DNAH5: variants seen among roughly 807,000 people sequenced by gnomAD.
DNAH5 encodes the protein dynein axonemal heavy chain 5.
Under a neutral mutation model 518.2 loss-of-function variants are expected in DNAH5, and 372 were observed. That is an observed-to-expected ratio of 0.72 (90% CI 0.66 to 0.78). The LOEUF (loss-of-function observed/expected upper bound fraction) is 0.78, where lower values mean the gene tolerates loss of function less well. Ranked by LOEUF, DNAH5 falls within the 30% of genes least tolerant of loss-of-function variation. The pLI is 0.00. For missense variants in DNAH5, 5,523 were observed against 5,687.0 expected (o/e 0.97, Z 0.93); for synonymous variants, 2,039 against 2,025.9 (o/e 1.01, Z -0.17).
chr5:13,944,527 A>C lies in DNAH5; in HGVS notation c.-89T>G. On this transcript the variant is annotated 5_prime_UTR_variant, in exon 1 of 79. Transcript: ENST00000265104. ...CCTGCTCAACATCCAACAGGCTTCC[A>C]AATGGAAAGTTTTACTTCCATTTTA... is the stretch of plus-strand genomic sequence containing the variant. The C allele has an allele frequency of 8.8e-7, 1 of 1,137,008 alleles. No homozygotes were observed. Among genetic ancestry groups the C allele is most frequent in the East Asian group, 2.4e-5 (1 of 41,788 alleles). The allele number at this position is 1,137,008 out of a possible 1,614,324, so 70.4% of individuals were successfully genotyped here. A position where few individuals can be genotyped will look rare whatever the true frequency, so the allele number is the denominator to read the frequency against.
At chr5:13,791,315 T>A (rs1217509604) in intron 50 of DNAH5, among the ~76,000 whole-genome samples, 1 of 152,214 alleles carries the variant, frequency 6.6e-6, no homozygotes, top group Non-Finnish European at 1.5e-5. Flanking sequence ...AACCCTGTCT[T>A]AGCCTGGGCA....
Position 13,865,820 on chromosome 5 carries a change from C to T in DNAH5, c.4203G>A (p.Gln1401=). ...TTAGTTGCTTCTTTATTTCAAGAAG[C>T]TGAGGATACTGTGTAGCTGGCAGGC... ...LFGLPATQYP[Q]LLEIKKQLNL... Residue 1401 remains glutamine (Q), a synonymous_variant, in exon 27 of 79, where the codon CAG becomes CAA. Transcript: ENST00000265104. The T allele has an allele frequency of 6.2e-7, 1 of 1,613,796 alleles. No individual in the cohort carries two copies. The highest frequency in any genetic ancestry group is 8.5e-7 in the Non-Finnish European group (1 of 1,179,764).
At chr5:13,781,067 G>T in intron 52 of DNAH5, 108 bp from the exon 53 acceptor site, 1 of 1,281,452 alleles carries the variant, frequency 7.8e-7, no homozygotes, top group Non-Finnish European at 1.1e-6. Flanking sequence ...GGAAGATATA[G>T]GTGTCTCAAG....
chr5:13,862,549 T>C lies in DNAH5; in HGVS notation c.4795A>G (p.Arg1599Gly). 2 of 1,613,940 alleles carry C rather than the reference T, an allele frequency of 1.2e-6. No individual in the cohort carries two copies. The highest frequency in any genetic ancestry group is 1.7e-6 in the Non-Finnish European group (2 of 1,179,862). Residue 1599 changes from arginine to glycine, a missense_variant and splice_region_variant, in exon 29 of 79, where the codon AGG becomes GGG. Physicochemically the swap from Arg to Gly is moderately radical, Grantham distance 125. This residue lies in a region of DNAH5 where 5,121 missense variants were observed against 5,223.3 expected (regional missense o/e 0.98). Coordinates refer to ENST00000265104, the MANE Select transcript of DNAH5 (RefSeq NM_001369.3). ...GGAAAAGATAGATGGTTTTCCCACC[T>C]GTTGCTCAGTAGGGATCCCAGCAAC... Reference protein sequence around the residue: ...LMLLGSLLSNRYNMPFKAQIQ... With the variant: ...LMLLGSLLSNGYNMPFKAQIQ...
intron 1 of DNAH5, among the ~76,000 whole-genome samples, chr5:13,993,480 C>G (rs539768794): frequency 6.6e-6 from 1 of 152,298 alleles, no homozygotes; most frequent in East Asian, 1.9e-4. Context: ...TATTCTACCC[C>G]ACTGTACTAT....
chr5:13,835,271 T>G (rs973652951), intron 35 of DNAH5, among the ~76,000 whole-genome samples: 1 of 136,728 alleles, frequency 7.3e-6, no homozygotes, highest in African/African-American at 2.9e-5. Context: ...AGAGTGAGAC[T>G]TCTTCTCAAA....
At chr5:13,738,687 T>G (rs1381046306) in intron 65 of DNAH5, among the ~76,000 whole-genome samples, 1 of 152,022 alleles carries the variant, frequency 6.6e-6, no homozygotes, top group African/African-American at 2.4e-5. Context: ...GAGAAATACG[T>G]GTGACACCAA....
rs138695444 is a variant in DNAH5, at chr5:13,916,075, G to T, written c.1197+273C>A. ...ATACATGATGTGCTAAACCACATAG[G>T]AAAGAAATTCCAAGAGCAATCTTTT... is the stretch of plus-strand genomic sequence containing the variant. On this transcript the variant is annotated intron_variant, in intron 9 of 78. Transcript: ENST00000265104. 1.6e-3 allele frequency among the ~76,000 whole-genome samples: 239 copies of T among 151,776 alleles called. 3 individuals carry two copies. The highest frequency in any genetic ancestry group is 5.5e-3 in the African/African-American group (227 of 41,464).
intron 25 of DNAH5, among the ~76,000 whole-genome samples, chr5:13,867,084 G>T (rs1322587021): frequency 6.6e-6 from 1 of 152,184 alleles, no homozygotes; most frequent in Non-Finnish European, 1.5e-5. Context: ...AATTATAACT[G>T]CATGCGAATA....
At chr5:13,731,138 A>T (rs940697098) in intron 68 of DNAH5, among the ~76,000 whole-genome samples, 2 of 152,234 alleles carry the variant, frequency 1.3e-5, no homozygotes, top group Non-Finnish European at 2.9e-5. Flanking sequence ...TCCAGGCACC[A>T]TGTACACTAC....
chr5:13,979,516 A>G (rs1168800142), intron 1 of DNAH5, among the ~76,000 whole-genome samples: 1 of 152,176 alleles, frequency 6.6e-6, no homozygotes, highest in African/African-American at 2.4e-5. Flanking sequence ...TGTGAAATCA[A>G]TGAACCCCTC....
intron 22 of DNAH5, among the ~76,000 whole-genome samples, chr5:13,873,121 G>GATAA: frequency 6.6e-6 from 1 of 151,998 alleles, no homozygotes; most frequent in Non-Finnish European, 1.5e-5. Context: ...AATAAAAATA[G>GATAA]ATAAATAAAT....
chr5:13,785,408 A>G (rs531765687), intron 52 of DNAH5, among the ~76,000 whole-genome samples: 1 of 152,308 alleles, frequency 6.6e-6, no homozygotes, highest in South Asian at 2.1e-4. Context: ...ACAAACTAGA[A>G]TAGAAATTAT....
At chr5:13,955,496 T>C (rs1356497848) in intron 1 of DNAH5, among the ~76,000 whole-genome samples, 3 of 152,096 alleles carry the variant, frequency 2.0e-5, no homozygotes, top group East Asian at 1.9e-4. Context: ...TACATAATAA[T>C]AACAAATGTA....
At chr5:13,857,477 A>T (rs1282595932) in intron 30 of DNAH5, among the ~76,000 whole-genome samples, 1 of 152,228 alleles carries the variant, frequency 6.6e-6, no homozygotes, top group Non-Finnish European at 1.5e-5. Context: ...CCATCAAGCT[A>T]CCATTGACTT....
In DNAH5 at chr5:13,864,383, A is replaced by G; in HGVS notation, c.4596+14T>C. 6.2e-7 allele frequency: 1 copy of G among 1,613,490 alleles called. No homozygotes were observed. Among genetic ancestry groups the G allele is most frequent in the Non-Finnish European group, 8.5e-7 (1 of 1,179,962 alleles). Reference sequence around the variant, plus strand: ...CCATGAGACCTTGCAATCTTCCATCACATCATACTCTACCTCTATTTCCTC... The same window carrying G: ...CCATGAGACCTTGCAATCTTCCATCGCATCATACTCTACCTCTATTTCCTC... On this transcript the variant is annotated intron_variant, in intron 28 of 78. Coordinates refer to ENST00000265104, the MANE Select transcript of DNAH5 (RefSeq NM_001369.3).
At chr5:13,934,517 T>G (rs1394214138) in intron 1 of DNAH5, among the ~76,000 whole-genome samples, 1 of 152,224 alleles carries the variant, frequency 6.6e-6, no homozygotes, top group Non-Finnish European at 1.5e-5. Flanking sequence ...AAAGGATGAT[T>G]GGGAAAAGAG....
rs1486218081 is a variant in DNAH5, at chr5:13,700,613, C to T, written c.13723+27G>A. 3.8e-6 allele frequency: 6 copies of T among 1,587,038 alleles called. No homozygotes were observed. The South Asian group carries it at 6.6e-5, about 18-fold the overall frequency. ...TGTCATCCAAACGAACAATGCGAGC[C>T]CTTACTGAAGGTACAAGACAACTTA... On this transcript the variant is annotated intron_variant, in intron 78 of 78. Coordinates refer to ENST00000265104, the MANE Select transcript of DNAH5 (RefSeq NM_001369.3).
intron 5 of DNAH5, among the ~76,000 whole-genome samples, chr5:13,921,041 C>G (rs1010667301): frequency 7.9e-5 from 12 of 152,088 alleles, no homozygotes; most frequent in African/African-American, 2.9e-4. Flanking sequence ...AACAAACCTG[C>G]ACGTTGTGCA....
Sources: gnomAD v4.1 joint callset for allele counts (sites outside exome capture counted in the v4.1 genomes callset) on GRCh38, gnomAD v4.1.1 for gene constraint, gnomAD v4.1.1 regional missense constraint, MANE v1.5 for transcripts, NCBI Gene and HGNC (gene_info 2026-07-23, HGNC 2026-07-21) for gene names.